The following ABAT variants were observed in gnomAD, a reference collection of about 807,000 sequenced individuals.
The protein encoded by ABAT is 4-aminobutyrate aminotransferase.
ABAT carries 45 observed loss-of-function variants against 64.6 expected under a neutral mutation model. The observed-to-expected ratio is 0.70, with a 90% confidence interval of 0.55 to 0.89. The LOEUF (loss-of-function observed/expected upper bound fraction) is 0.89. Ranked by LOEUF, ABAT falls within the 40% of genes least tolerant of loss-of-function variation. The probability of loss-of-function intolerance (pLI) is 0.00; values close to 1 mark genes in which losing one functional copy is unlikely to be tolerated. For synonymous variants in ABAT, 297 were observed against 250.5 expected (o/e 1.19, Z -1.75); for missense variants, 633 against 658.4 (o/e 0.96, Z 0.42).
intron 1 of ABAT, chr16:8,713,864 C>A (rs1230909391): frequency 2.2e-6 from 1 of 456,110 alleles, no homozygotes; most frequent in Non-Finnish European, 4.4e-6. Context: ...CTACCAGGCA[C>A]CGTGAGTGCA....
intron 2 of ABAT, chr16:8,737,304 C>G (rs9931017): frequency 0.52 from 77,878 of 149,348 alleles, 21,141 homozygotes; most frequent in Non-Finnish European, 0.61. Flanking sequence ...TGGTGAAACC[C>G]CGTCTCTACC....
chr16:8,763,068 T>G (rs1000452352), intron 6 of ABAT, among the ~76,000 whole-genome samples: 5 of 143,572 alleles, frequency 3.5e-5, no homozygotes, highest in African/African-American at 1.3e-4. Context: ...GATATCACGC[T>G]ACTGCACTCC....
intron 15 of ABAT, among the ~76,000 whole-genome samples, 167 bp downstream of exon 15, chr16:8,779,757 G>A (rs2143003530): frequency 6.6e-6 from 1 of 152,264 alleles, no homozygotes; most frequent in African/African-American, 2.4e-5. Context: ...CATTACAAAT[G>A]GGATTTCTTT....
intron 1 of ABAT, among the ~76,000 whole-genome samples, chr16:8,724,895 C>T (rs2058495777): frequency 6.7e-6 from 1 of 148,416 alleles, no homozygotes; most frequent in African/African-American, 2.5e-5. Flanking sequence ...CTACAAAAGA[C>T]AGCCAACTCC....
At chr16:8,763,039 G>T (rs1439499925) in intron 6 of ABAT, among the ~76,000 whole-genome samples, 1 of 151,390 alleles carries the variant, frequency 6.6e-6, no homozygotes, top group Non-Finnish European at 1.5e-5. Context: ...AGTCTCGGAG[G>T]TTGAGGCTGC....
intron 8 of ABAT, among the ~76,000 whole-genome samples, chr16:8,765,350 A>T (rs1310377247): frequency 6.7e-6 from 1 of 149,530 alleles, no homozygotes; most frequent in East Asian, 2.0e-4. Context: ...AAAAAAAAAG[A>T]AGAAGAAAAT....
intron 1 of ABAT, among the ~76,000 whole-genome samples, chr16:8,706,239 A>C (rs2057938910): frequency 8.9e-6 from 1 of 112,006 alleles, no homozygotes; most frequent in Admixed American, 9.4e-5. Flanking sequence ...ATAAAAAAAA[A>C]TATATATATA....
chr16:8,734,845 C>T (rs1045745572), intron 1 of ABAT, among the ~76,000 whole-genome samples: 1 of 151,946 alleles, frequency 6.6e-6, no homozygotes, highest in African/African-American at 2.4e-5. Context: ...GGAGAGGGAA[C>T]AGGGAGCAAG....
chr16:8,716,311 A>C (rs1216310753), intron 1 of ABAT, among the ~76,000 whole-genome samples: 1 of 151,954 alleles, frequency 6.6e-6, no homozygotes, highest in African/African-American at 2.4e-5. Flanking sequence ...TTTTGCTACG[A>C]GTGGATAATT....
At position 8,781,481 on chromosome 16, in the gene ABAT, A is replaced by G. The variant is rs916721000; in HGVS notation, c.*51A>G. ...AAGCCCGGATCCCAACAGTTGTCAA[A>G]TTGATTAGTTTGCCTAATTCATGTT... On this transcript the variant is annotated 3_prime_UTR_variant, in exon 16 of 16. Transcript: ENST00000268251. The surrounding 1 kb of genome is among the most constrained non-coding windows in gnomAD (Gnocchi z 4.5). 3 of 1,580,422 alleles carry G rather than the reference A, an allele frequency of 1.9e-6. No homozygotes were observed. In the African/African-American group the frequency reaches 4.1e-5, roughly 21 times the overall value.
chr16:8,744,321 C>T (rs556283755), intron 2 of ABAT, among the ~76,000 whole-genome samples: 1 of 151,998 alleles, frequency 6.6e-6, no homozygotes, highest in African/African-American at 2.4e-5. Context: ...AAGCGAGGTG[C>T]CTCACATGGT....
In ABAT at chr16:8,739,719, A is replaced by G. The variant is rs375810110; in HGVS notation, c.70+3910A>G. On this transcript the variant is annotated intron_variant, in intron 2 of 15. Coordinates refer to ENST00000268251, the MANE Select transcript of ABAT (RefSeq NM_020686.6). ...TAAGGTGGGAAGTGTCCTAACTCCCATTTTACAAGCATGGAAATACAGGCA... is the reference window on the plus strand; with the variant it reads ...TAAGGTGGGAAGTGTCCTAACTCCCGTTTTACAAGCATGGAAATACAGGCA... Among the ~76,000 whole-genome samples, 83 of 151,590 alleles carry G rather than the reference A, an allele frequency of 5.5e-4. 1 individual carries two copies. Among genetic ancestry groups the G allele is most frequent in the African/African-American group, 1.9e-3 (77 of 41,362 alleles).
chr16:8,706,731 C>A (rs1403704778), intron 1 of ABAT, among the ~76,000 whole-genome samples: 2 of 152,030 alleles, frequency 1.3e-5, no homozygotes, highest in South Asian at 4.1e-4. Context: ...GATACTCATG[C>A]AAATAAATGT....
At position 8,776,899 on chromosome 16, in the gene ABAT, ATT is replaced by A. The variant is rs1369627832; in HGVS notation, c.1269+411_1269+412del. 1.3e-5 allele frequency among the ~76,000 whole-genome samples: 2 copies of A among 149,898 alleles called. No homozygotes were observed. Among genetic ancestry groups the A allele is most frequent in the African/African-American group, 4.9e-5 (2 of 40,668 alleles). On this transcript the variant is annotated intron_variant, in intron 14 of 15. Coordinates refer to ENST00000268251, the MANE Select transcript of ABAT (RefSeq NM_020686.6). The surrounding 1 kb of genome is among the most constrained non-coding windows in gnomAD (Gnocchi z 4.4). ...TTTCTTATTTATTTTATTTTATTTTATTTGTCTATTTATTTTTTGAGACCAAG... is the reference window on the plus strand; with the variant it reads ...TTTCTTATTTATTTTATTTTATTTTATGTCTATTTATTTTTTGAGACCAAG...
chr16:8,681,869 T>C (rs2141914509), intron 1 of ABAT, among the ~76,000 whole-genome samples: 1 of 152,220 alleles, frequency 6.6e-6, no homozygotes, highest in Middle Eastern at 3.4e-3. Context: ...CTTGAACTTG[T>C]GACCTCAGGT....
chr16:8,776,331 T>C lies in ABAT; in HGVS notation c.1123-13T>C. Reference sequence around the variant, plus strand: ...TGTGTGTGAAGCCTTCCAACACCCGTTCCTCATTCCAGCCCTACCGGATCT... The same window carrying C: ...TGTGTGTGAAGCCTTCCAACACCCGCTCCTCATTCCAGCCCTACCGGATCT... On this transcript the variant is annotated splice_polypyrimidine_tract_variant and intron_variant, in intron 13 of 15. Coordinates refer to ENST00000268251, the MANE Select transcript of ABAT (RefSeq NM_020686.6). The surrounding 1 kb of genome is among the most constrained non-coding windows in gnomAD (Gnocchi z 4.4). The C allele has an allele frequency of 6.2e-7, 1 of 1,614,162 alleles. No homozygotes were observed. The highest frequency in any genetic ancestry group is 2.2e-5 in the East Asian group (1 of 44,886).
Position 8,773,105 on chromosome 16 carries a change from T to TATACACAC in ABAT, c.954+189_954+190insTACACACA, listed in dbSNP as rs774327698. Among the ~76,000 whole-genome samples, 44 of 109,030 alleles carry TATACACAC rather than the reference T, an allele frequency of 4.0e-4. 1 individual carries two copies. The highest frequency in any genetic ancestry group is 7.3e-4 in the South Asian group (2 of 2,728). The allele number at this position is 109,030 out of a possible 152,430, so 71.5% of individuals were successfully genotyped here. A position where few individuals can be genotyped will look rare whatever the true frequency, so the allele number is the denominator to read the frequency against. ...GAATGGGGATTCTTCCCTAAAACTA[T>TATACACAC]ACACACACACACACACACACACACA... On this transcript the variant is annotated intron_variant, in intron 12 of 15. Coordinates refer to ENST00000268251, the MANE Select transcript of ABAT (RefSeq NM_020686.6).
chr16:8,735,696 C>T lies in ABAT; in HGVS notation c.-41-3C>T, dbSNP rs1275749833. The T allele has an allele frequency of 1.9e-6, 3 of 1,561,314 alleles. No individual in the cohort carries two copies. The highest frequency in any genetic ancestry group is 3.8e-5 in the Admixed American group (2 of 52,114). On this transcript the variant is annotated splice_region_variant and splice_polypyrimidine_tract_variant and intron_variant, in intron 1 of 15. Transcript: ENST00000268251. ...CTAAGTCTGCATTTCTGGTTTCTTTCAGGGTGGCAGCACGCAAAGGGTGTC... is the reference window on the plus strand; with the variant it reads ...CTAAGTCTGCATTTCTGGTTTCTTTTAGGGTGGCAGCACGCAAAGGGTGTC...
chr16:8,722,610 T>A (rs575064629), intron 1 of ABAT, among the ~76,000 whole-genome samples: 2 of 151,822 alleles, frequency 1.3e-5, no homozygotes, highest in African/African-American at 4.8e-5. Context: ...ATGGGGGAGA[T>A]TGGGGGTCTC....
Sources: gnomAD v4.1 joint callset for allele counts (sites outside exome capture counted in the v4.1 genomes callset) on GRCh38, gnomAD v4.1.1 for gene constraint, Gnocchi (gnomAD v3.1) non-coding constraint, MANE v1.5 for transcripts, NCBI Gene and HGNC (gene_info 2026-07-23, HGNC 2026-07-21) for gene names.